Variants in CACNA1B observed in about 807,000 individuals in gnomAD.
CACNA1B encodes the protein voltage-dependent N-type calcium channel subunit alpha-1B.
A neutral mutation model predicts 247.2 loss-of-function variants in CACNA1B; 70 were observed. That is an observed-to-expected ratio of 0.28 (90% CI 0.23 to 0.35). The LOEUF is 0.35. Ranked by LOEUF, CACNA1B falls within the 10% of genes least tolerant of loss-of-function variation. CACNA1B has a pLI of 1.00. For missense variants in CACNA1B, 2,367 were observed against 3,197.4 expected (o/e 0.74, Z 6.26); for synonymous variants, 1,231 against 1,294.4 (o/e 0.95, Z 1.05).
rs1280133535 is a variant in CACNA1B, at chr9:138,023,406, C to T, written c.2663C>T (p.Pro888Leu). 3.8e-6 allele frequency: 5 copies of T among 1,332,808 alleles called. No homozygotes were observed. The highest frequency in any genetic ancestry group is 4.0e-5 in the South Asian group (2 of 50,456). The allele number at this position is 1,332,808 out of a possible 1,614,324, so 82.6% of individuals were successfully genotyped here. The change falls in exon 19 of 47, where the codon CCG becomes CTG. Residue 888 changes from proline (P) to leucine (L), a missense_variant. Transcript: ENST00000371372. Reference sequence around the variant, plus strand: ...GGTGCCCGGGAGGAGCGGCCGCGGCCGCACCGCAGCCACAGCAAGGAGGCC... The same window carrying T: ...GGTGCCCGGGAGGAGCGGCCGCGGCTGCACCGCAGCCACAGCAAGGAGGCC... ...EPGAREERPR[P>L]HRSHSKEAAG...
rs1957042991 is a variant in CACNA1B at position 137,888,139 on chromosome 9, C to T, written c.530+5256C>T. The stretch of plus-strand genomic sequence containing the variant: ...AGAGTGGGAGCCGGAAGCAGTGATC[C>T]AGGTGGGAGTGGTGAGGGTTTGTAC... On this transcript the variant is annotated intron_variant, in intron 3 of 46. Coordinates refer to ENST00000371372, the MANE Select transcript of CACNA1B (RefSeq NM_000718.4). The surrounding 1 kb of genome is among the most constrained non-coding windows in gnomAD (Gnocchi z 4.7). 6.6e-6 allele frequency among the ~76,000 whole-genome samples: 1 copy of T among 151,994 alleles called. No homozygotes were observed. The highest frequency in any genetic ancestry group is 2.1e-4 in the South Asian group (1 of 4,806).
chr9:137,919,342 G>A lies in CACNA1B; in HGVS notation c.966+1911G>A, dbSNP rs2133286254. Among the ~76,000 whole-genome samples the A allele has an allele frequency of 6.6e-6, 1 of 152,364 alleles. No homozygotes were observed. The highest frequency in any genetic ancestry group is 2.4e-5 in the African/African-American group (1 of 41,592). ...GAGGTTGAGGAGCAGGCAGTGACGA[G>A]GTACAGGGTACTGGGAGGGCAAGGC... On this transcript the variant is annotated intron_variant, in intron 6 of 46. Coordinates refer to ENST00000371372, the MANE Select transcript of CACNA1B (RefSeq NM_000718.4). The surrounding 1 kb of genome is among the most constrained non-coding windows in gnomAD (Gnocchi z 4.6).
In CACNA1B at chr9:137,924,299, G is replaced by GCCTTCCTTCCTT. The variant is rs200024742; in HGVS notation, c.966+6874_966+6885dup. Among the ~76,000 whole-genome samples the GCCTTCCTTCCTT allele has an allele frequency of 2.2e-4, 33 of 150,160 alleles. No homozygotes were observed. In the East Asian group the frequency reaches 6.5e-3, roughly 29 times the overall value. Reference sequence around the variant, plus strand: ...AAAAGTGTGAGGTTTTTGCCTGCCTGCCTTCCTTCCTTCCTTCTTTCCTTC... The same window carrying GCCTTCCTTCCTT: ...AAAAGTGTGAGGTTTTTGCCTGCCTGCCTTCCTTCCTTCCTTCCTTCCTTCCTTCTTTCCTTC... On this transcript the variant is annotated intron_variant, in intron 6 of 46. Coordinates refer to ENST00000371372, the MANE Select transcript of CACNA1B (RefSeq NM_000718.4).
chr9:138,078,033 G>T (rs1960387150), intron 35 of CACNA1B, 81 bp from the exon 36 acceptor site: 4 of 1,290,562 alleles, frequency 3.1e-6, no homozygotes, highest in South Asian at 1.3e-5. Context: ...GCCCAAAGGA[G>T]TGGGCACGCT....
intron 32 of CACNA1B, 48 bp downstream of exon 32, chr9:138,069,811 GCT>G: frequency 4.5e-6 from 7 of 1,570,130 alleles, no homozygotes; most frequent in Non-Finnish European, 5.3e-6. Context: ...TGCTTTGCTC[GCT>G]CTGCTCCTCT....
At chr9:138,086,668 T>C (rs1960702399) in intron 36 of CACNA1B, among the ~76,000 whole-genome samples, 1 of 151,344 alleles carries the variant, frequency 6.6e-6, no homozygotes, top group South Asian at 2.1e-4. Context: ...AAACAAATAT[T>C]ATTAGATCCA....
At chr9:138,069,796 G>A (rs1960054616) in intron 32 of CACNA1B, 33 bp downstream of exon 32, 2 of 1,601,308 alleles carry the variant, frequency 1.2e-6, no homozygotes, top group Non-Finnish European at 1.7e-6. Flanking sequence ...GTTCTTGCAA[G>A]TCCTTGCTTT....
chr9:138,086,743 A>G lies in CACNA1B; in HGVS notation c.5094+8485A>G, dbSNP rs867979333. Among the ~76,000 whole-genome samples the G allele has an allele frequency of 4.0e-5, 6 of 150,514 alleles. 1 individual carries two copies. The South Asian group carries it at 1.3e-3, about 31-fold the overall frequency. ...TTCCGTACCCTATGCTCCGCATTGA[A>G]CAGATCATCTAGACAGAAAATCAAC... On this transcript the variant is annotated intron_variant, in intron 36 of 46. Coordinates refer to ENST00000371372, the MANE Select transcript of CACNA1B (RefSeq NM_000718.4).
Position 137,882,636 on chromosome 9 carries a change from C to G in CACNA1B, c.391-108C>G, listed in dbSNP as rs776803711. ...CAAGGTGAGGAGGGTCAGACCCTCACGATAGCTGTGGCCTGCACATGGTGG... is the reference window on the plus strand; with the variant it reads ...CAAGGTGAGGAGGGTCAGACCCTCAGGATAGCTGTGGCCTGCACATGGTGG... On this transcript the variant is annotated intron_variant, in intron 2 of 46. Transcript: ENST00000371372. This position sits in a 1 kb window ranked among gnomAD's most constrained non-coding sequence, Gnocchi z 4.0. 2 of 1,308,490 alleles carry G rather than the reference C, an allele frequency of 1.5e-6. No individual in the cohort carries two copies. Among genetic ancestry groups the G allele is most frequent in the East Asian group, 4.7e-5 (2 of 42,304 alleles). 81.1% of individuals were successfully genotyped at this position (1,308,490 alleles called of 1,614,324 possible). A position where few individuals can be genotyped will look rare whatever the true frequency, so the allele number is the denominator to read the frequency against.
chr9:138,101,692 G>A (rs966460054), intron 37 of CACNA1B, among the ~76,000 whole-genome samples: 1 of 152,234 alleles, frequency 6.6e-6, no homozygotes, highest in Admixed American at 6.5e-5. Flanking sequence ...AAGCCGTCCT[G>A]CTTTGCCTCT....
At position 138,042,926 on chromosome 9, in the gene CACNA1B, G is replaced by A. The variant is rs76195930; in HGVS notation, c.3287-848G>A. On this transcript the variant is annotated intron_variant, in intron 20 of 46. Coordinates refer to ENST00000371372, the MANE Select transcript of CACNA1B (RefSeq NM_000718.4). The stretch of plus-strand genomic sequence containing the variant: ...TGTTTCTTTAAAGAACTCAAAATGA[G>A]TTGCAGCAGTGGGAGGCGGCTCCAA... 2.8e-3 allele frequency among the ~76,000 whole-genome samples: 425 copies of A among 152,322 alleles called. 7 individuals carry two copies. The East Asian group carries it at 0.042, about 15-fold the overall frequency.
intron 6 of CACNA1B, among the ~76,000 whole-genome samples, chr9:137,930,517 G>T (rs992835412): frequency 2.0e-5 from 3 of 152,202 alleles, no homozygotes; most frequent in African/African-American, 7.2e-5. Flanking sequence ...TCGGAATATG[G>T]TCTATTTTGA....
intron 36 of CACNA1B, among the ~76,000 whole-genome samples, chr9:138,079,036 T>C (rs1960424289): frequency 6.6e-6 from 1 of 152,172 alleles, no homozygotes; most frequent in Non-Finnish European, 1.5e-5. Flanking sequence ...GTGTTCGGTG[T>C]GTTCGTGGGG....
intron 10 of CACNA1B, among the ~76,000 whole-genome samples, chr9:137,962,426 G>A (rs564871127): frequency 4.7e-5 from 7 of 148,426 alleles, no homozygotes; most frequent in Non-Finnish European, 1.0e-4. Flanking sequence ...CTTGTTTTCT[G>A]CTAGCTTTGG....
chr9:138,035,421 G>A (rs575079605), intron 20 of CACNA1B, among the ~76,000 whole-genome samples: 1 of 152,280 alleles, frequency 6.6e-6, no homozygotes, highest in South Asian at 2.1e-4. Context: ...AGCTGTGATC[G>A]TGCCACTGCA....
At chr9:138,091,768 C>T (rs1049071047) in intron 36 of CACNA1B, among the ~76,000 whole-genome samples, 1 of 152,112 alleles carries the variant, frequency 6.6e-6, no homozygotes, top group Non-Finnish European at 1.5e-5. Flanking sequence ...AAAAAAGGAA[C>T]TGAATAAGTA....
At chr9:138,004,172 TA>T (rs1170674004) in intron 15 of CACNA1B, among the ~76,000 whole-genome samples, 7 of 152,020 alleles carry the variant, frequency 4.6e-5, no homozygotes, top group African/African-American at 1.7e-4. Context: ...CGGAAGCCAC[TA>T]AAAGTACCTG....
intron 35 of CACNA1B, among the ~76,000 whole-genome samples, chr9:138,076,446 A>G (rs1028456346): frequency 6.6e-6 from 1 of 152,102 alleles, no homozygotes; most frequent in Non-Finnish European, 1.5e-5. Flanking sequence ...TTTATTTTCC[A>G]CCATCTCTCA....
At chr9:138,076,306 G>A (rs947327973) in intron 35 of CACNA1B, among the ~76,000 whole-genome samples, 5 of 152,306 alleles carry the variant, frequency 3.3e-5, no homozygotes, top group East Asian at 1.9e-4. Flanking sequence ...TTCCACCTGC[G>A]CCCTTGTTGA....
Sources: gnomAD v4.1 joint callset for allele counts (sites outside exome capture counted in the v4.1 genomes callset) on GRCh38, gnomAD v4.1.1 for gene constraint, Gnocchi (gnomAD v3.1) non-coding constraint, MANE v1.5 for transcripts, NCBI Gene and HGNC (gene_info 2026-07-23, HGNC 2026-07-21) for gene names.